SATB1: variants seen among roughly 807,000 people sequenced by gnomAD.
SATB1 encodes SATB homeobox 1, also known as DNA-binding protein SATB1.
A neutral mutation model predicts 86.9 loss-of-function variants in SATB1; 11 were observed. The ratio of observed to expected loss-of-function variants is 0.13; its 90% CI spans 0.08 to 0.21. The LOEUF (loss-of-function observed/expected upper bound fraction) is 0.21. Ranked by LOEUF, SATB1 falls within the 10% of genes least tolerant of loss-of-function variation. The pLI is 1.00. For synonymous variants in SATB1, 357 were observed against 357.2 expected, an observed-to-expected ratio of 1.00 and a Z score of 0.01; for missense variants, 551 against 937.6, an observed-to-expected ratio of 0.59 and a Z score of 5.39.
Position 18,386,047 on chromosome 3 carries a change from G to A in SATB1, c.1419+352C>T, listed in dbSNP as rs968443344. ...TTTATTTATTTACTATTCAAATGGC[G>A]ATTCTGAAACCAGTTGGGAAAAAAC... On this transcript the variant is annotated intron_variant, in intron 8 of 10. Coordinates refer to ENST00000338745, the MANE Select transcript of SATB1 (RefSeq NM_002971.6). This position sits in a 1 kb window ranked among gnomAD's most constrained non-coding sequence, Gnocchi z 4.5. 1.3e-5 allele frequency among the ~76,000 whole-genome samples: 2 copies of A among 152,056 alleles called. No homozygotes were observed. The highest frequency in any genetic ancestry group is 2.9e-5 in the Non-Finnish European group (2 of 67,998).
intron 4 of SATB1, among the ~76,000 whole-genome samples, chr3:18,415,677 G>T (rs1342752077): frequency 6.6e-6 from 1 of 152,058 alleles, no homozygotes; most frequent in African/African-American, 2.4e-5. Context: ...CACTGTTCAT[G>T]ATATGCAAAA....
chr3:18,401,740 G>A (rs1261417963), intron 5 of SATB1, among the ~76,000 whole-genome samples: 1 of 152,108 alleles, frequency 6.6e-6, no homozygotes, highest in African/African-American at 2.4e-5. Flanking sequence ...ACCCCAGTGT[G>A]ACACAATATT....
chr3:18,412,058 G>A (rs1308223799), intron 5 of SATB1, among the ~76,000 whole-genome samples: 4 of 151,466 alleles, frequency 2.6e-5, no homozygotes, highest in African/African-American at 7.3e-5. Context: ...TGCAACCTCC[G>A]CCTCCTGGGT....
At chr3:18,363,810 A>C (rs1695043868) in intron 9 of SATB1, among the ~76,000 whole-genome samples, 2 of 152,180 alleles carry the variant, frequency 1.3e-5, no homozygotes. Context: ...GGTAAGAACC[A>C]CTTAAACTTC....
At chr3:18,361,595 TG>T (rs1438391039) in intron 9 of SATB1, among the ~76,000 whole-genome samples, 3 of 152,148 alleles carry the variant, frequency 2.0e-5, no homozygotes, top group Non-Finnish European at 4.4e-5. Context: ...AAGCATAAAT[TG>T]GTATAGTCTT....
At chr3:18,421,040 G>T in intron 1 of SATB1, 49 bp from the exon 2 acceptor site, 2 of 1,220,948 alleles carry the variant, frequency 1.6e-6, no homozygotes, top group Non-Finnish European at 2.4e-6. Context: ...GGGGACCTAC[G>T]TGTATATATG....
chr3:18,357,941 T>C (rs1296260990), intron 9 of SATB1, among the ~76,000 whole-genome samples: 1 of 151,904 alleles, frequency 6.6e-6, no homozygotes, highest in Non-Finnish European at 1.5e-5. Flanking sequence ...CACCCACTTG[T>C]GACCTTTTTT....
At chr3:18,416,753 ATTAAGCCAATTTT>A in intron 3 of SATB1, 136 bp downstream of exon 3, 1 of 754,644 alleles carries the variant, frequency 1.3e-6, no homozygotes. Flanking sequence ...ACCAAACTGA[ATTAAGCCAATTTT>A]TTAAAGCCAC....
intron 9 of SATB1, among the ~76,000 whole-genome samples, chr3:18,371,241 A>C (rs995778600): frequency 1.3e-5 from 2 of 152,188 alleles, no homozygotes; most frequent in Non-Finnish European, 2.9e-5. Flanking sequence ...ATTAATATAC[A>C]ACAGAAGTAG....
chr3:18,406,231 A>G (rs1253032488), intron 5 of SATB1, among the ~76,000 whole-genome samples: 3 of 151,976 alleles, frequency 2.0e-5, no homozygotes, highest in African/African-American at 7.2e-5. Flanking sequence ...ACTTTAAAAC[A>G]CTGCATGTTT....
rs1694033090 is a variant in SATB1 at position 18,345,959 on chromosome 3, TCAAG to T, written c.*3207_*3210del. The T allele has an allele frequency of 6.6e-6, 1 of 152,154 alleles. No individual in the cohort carries two copies. Among genetic ancestry groups the T allele is most frequent in the African/African-American group, 2.4e-5 (1 of 41,462 alleles). 9.4% of individuals were successfully genotyped at this position (152,154 alleles called of 1,614,324 possible). ...TGAATCATCTGAGAATGTTTTCTAT[TCAAG>T]CCAGTATTTTTAGATAAACACAGAT... On this transcript the variant is annotated 3_prime_UTR_variant, in exon 11 of 11. Coordinates refer to ENST00000338745, the MANE Select transcript of SATB1 (RefSeq NM_002971.6).
At chr3:18,403,514 TCATGGTTCTACCTGTTTA>T (rs1697370863) in intron 5 of SATB1, among the ~76,000 whole-genome samples, 1 of 152,140 alleles carries the variant, frequency 6.6e-6, no homozygotes, top group Admixed American at 6.6e-5. Context: ...AAGGAAAATT[TCATGGTTCTACCTGTTTA>T]TAATACATAT....
rs1696867543 is a variant in SATB1, at chr3:18,394,636, T to C, written c.1032A>G (p.Gln344=). 4.3e-6 allele frequency: 7 copies of C among 1,613,994 alleles called. No homozygotes were observed. The highest frequency in any genetic ancestry group is 5.1e-6 in the Non-Finnish European group (6 of 1,180,028). ...NRLLAQQSLN[Q]QYLNHPPPVS... ...CAGGGGGAGGGTGGTTCAAGTATTG[T>C]TGGTTTAAGGACTGCTGGGCTAAAA... The change falls in exon 7 of 11, where the codon CAA becomes CAG. Residue 344 remains glutamine (Q), a synonymous_variant. Transcript: ENST00000338745. This position sits in a 1 kb window ranked among gnomAD's most constrained non-coding sequence, Gnocchi z 5.9.
At position 18,349,667 on chromosome 3, in the gene SATB1, G is replaced by C; in HGVS notation, c.1795C>G (p.Gln599Glu). ...TGCTGCTGCTGCTGCTGCTGTTGCTGTTGCTGCTGCTGTTGCTGCAAAGAA... is the reference window on the plus strand; with the variant it reads ...TGCTGCTGCTGCTGCTGCTGTTGCTCTTGCTGCTGCTGTTGCTGCAAAGAA... ...AEQIQQQQQQ[Q>E]QQQQQQQQAP... Residue 599 changes from glutamine (Q) to glutamate (E), a missense_variant, in exon 11 of 11, where the codon CAG (glutamine) becomes GAG (glutamate). Gln to Glu is a conservative substitution (Grantham distance 29, BLOSUM62 2). Around this residue, in one of 8 missense-constraint regions of SATB1, gnomAD observed 87 missense variants for 103.6 expected, o/e 0.84. Coordinates refer to ENST00000338745, the MANE Select transcript of SATB1 (RefSeq NM_002971.6). The surrounding 1 kb of genome is among the most constrained non-coding windows in gnomAD (Gnocchi z 5.5). 6.2e-7 allele frequency: 1 copy of C among 1,607,332 alleles called. No homozygotes were observed. The highest frequency in any genetic ancestry group is 8.5e-7 in the Non-Finnish European group (1 of 1,177,312).
chr3:18,427,958 T>C (rs1191276619), upstream of SATB1, among the ~76,000 whole-genome samples: 1 of 152,210 alleles, frequency 6.6e-6, no homozygotes, highest in East Asian at 1.9e-4. Context: ...AATTAATTAC[T>C]ATATATTAAC....
At chr3:18,362,860 C>CAAAAAAAA (rs35470564) in intron 9 of SATB1, among the ~76,000 whole-genome samples, 8 of 32,280 alleles carry the variant, frequency 2.5e-4, no homozygotes, top group African/African-American at 3.1e-4. Flanking sequence ...ATGCCATGTG[C>CAAAAAAAA]AAAAAAAAAA....
intron 9 of SATB1, among the ~76,000 whole-genome samples, chr3:18,355,291 AATAAG>A (rs1393443550): frequency 6.6e-6 from 1 of 152,042 alleles, no homozygotes; most frequent in Admixed American, 6.5e-5. Flanking sequence ...CACTGGCAAA[AATAAG>A]ATAATTTATT....
In SATB1 at chr3:18,345,643, T is replaced by TATTG. The variant is rs1452314644; in HGVS notation, c.*3523_*3526dup. On this transcript the variant is annotated 3_prime_UTR_variant, in exon 11 of 11. Coordinates refer to ENST00000338745, the MANE Select transcript of SATB1 (RefSeq NM_002971.6). The stretch of plus-strand genomic sequence containing the variant: ...CAAAAATATGCATAAAGAAGACTAG[T>TATTG]ATTGATATTTTCTGATATTTTAGAT... The TATTG allele has an allele frequency of 2.0e-5, 3 of 152,118 alleles. No homozygotes were observed. Among genetic ancestry groups the TATTG allele is most frequent in the Non-Finnish European group, 4.4e-5 (3 of 67,968 alleles). The allele number at this position is 152,118 out of a possible 1,614,324, so 9.4% of individuals were successfully genotyped here.
In SATB1 at chr3:18,416,061, G is replaced by A; in HGVS notation, c.461C>T (p.Ala154Val). Residue 154 changes from alanine to valine, a missense_variant, in exon 4 of 11, where the codon GCA (alanine) becomes GTA (valine). Ala to Val is a moderately conservative substitution (Grantham distance 64, BLOSUM62 0). Coordinates refer to ENST00000338745, the MANE Select transcript of SATB1 (RefSeq NM_002971.6). ...YVTDAPDATV[A>V]DMLQDVYHVV... Reference sequence around the variant, plus strand: ...ATGATACACATCTTGAAGCATATCTGCTACTGTAGCATCAGGGGCATCTGT... The same window carrying A: ...ATGATACACATCTTGAAGCATATCTACTACTGTAGCATCAGGGGCATCTGT... The A allele has an allele frequency of 6.2e-7, 1 of 1,610,400 alleles. No individual in the cohort carries two copies. Among genetic ancestry groups the A allele is most frequent in the African/African-American group, 1.3e-5 (1 of 74,820 alleles).
Sources: gnomAD v4.1 joint callset for allele counts (sites outside exome capture counted in the v4.1 genomes callset) on GRCh38, gnomAD v4.1.1 for gene constraint, gnomAD v4.1.1 regional missense constraint, Gnocchi (gnomAD v3.1) non-coding constraint, MANE v1.5 for transcripts, NCBI Gene and HGNC (gene_info 2026-07-23, HGNC 2026-07-21) for gene names.